The following ABCA3 variants were observed in gnomAD, a reference collection of about 807,000 sequenced individuals.
ABCA3 encodes the protein ATP binding cassette subfamily A member 3.
ABCA3 carries 88 observed loss-of-function variants against 172.8 expected under a neutral mutation model. The ratio of observed to expected loss-of-function variants is 0.51; its 90% CI spans 0.43 to 0.61. The LOEUF (loss-of-function observed/expected upper bound fraction) is 0.61, where lower values mean the gene tolerates loss of function less well. Among genes scored for constraint, ABCA3 ranks in the 20% least tolerant of loss-of-function variants. ABCA3 has a pLI of 0.00. For synonymous variants in ABCA3, 1,066 were observed against 983.8 expected (o/e 1.08, Z -1.56); for missense variants, 2,164 against 2,301.0 (o/e 0.94, Z 1.22).
At chr16:2,323,432 G>T in intron 7 of ABCA3, 91 bp downstream of exon 7, 4 of 1,534,968 alleles carry the variant, frequency 2.6e-6, no homozygotes, top group Non-Finnish European at 2.7e-6. Context: ...ATTTCTTCAA[G>T]AAATACTTTT....
At chr16:2,331,711 T>C (rs1567356912) in intron 1 of ABCA3, among the ~76,000 whole-genome samples, 1 of 152,256 alleles carries the variant, frequency 6.6e-6, no homozygotes, top group Non-Finnish European at 1.5e-5. Context: ...CTTCTGCACT[T>C]GACGCCGAGG....
At position 2,283,500 on chromosome 16, in the gene ABCA3, G is replaced by C; in HGVS notation, c.3863-142C>G. 2 of 927,084 alleles carry C rather than the reference G, an allele frequency of 2.2e-6. No homozygotes were observed. The highest frequency in any genetic ancestry group is 3.2e-6 in the Non-Finnish European group (2 of 626,076). 57.4% of individuals were successfully genotyped at this position (927,084 alleles called of 1,614,324 possible). On this transcript the variant is annotated intron_variant, in intron 25 of 32. Coordinates refer to ENST00000301732, the MANE Select transcript of ABCA3 (RefSeq NM_001089.3). This position sits in a 1 kb window ranked among gnomAD's most constrained non-coding sequence, Gnocchi z 5.4. ...CCATGGGGAGATGTGAAGGCCAGTA[G>C]GTCACAGCTGCCTCTCGAGGCACCA...
chr16:2,318,641 C>G (rs1467570316), intron 8 of ABCA3, among the ~76,000 whole-genome samples: 1 of 151,876 alleles, frequency 6.6e-6, no homozygotes, highest in South Asian at 2.1e-4. Context: ...GCCTCCCAAG[C>G]AGCTGGGATT....
chr16:2,296,916 G>C (rs2093680695), intron 17 of ABCA3, among the ~76,000 whole-genome samples: 1 of 152,196 alleles, frequency 6.6e-6, no homozygotes, highest in Non-Finnish European at 1.5e-5. Context: ...AGGTGACCTT[G>C]AAAGGGAAGC....
intron 7 of ABCA3, among the ~76,000 whole-genome samples, chr16:2,321,025 G>C (rs542765867): frequency 7.7e-6 from 1 of 129,822 alleles, no homozygotes; most frequent in African/African-American, 2.9e-5. Context: ...AGGTCTTTTC[G>C]TGTCTGGCAA....
chr16:2,308,246 C>T (rs892212688), intron 11 of ABCA3, among the ~76,000 whole-genome samples: 2 of 152,202 alleles, frequency 1.3e-5, no homozygotes, highest in African/African-American at 4.8e-5. Flanking sequence ...CCTGCTGTGC[C>T]GTGGAGCTGG....
chr16:2,280,861 C>G (rs989603245), intron 28 of ABCA3, among the ~76,000 whole-genome samples, 166 bp downstream of exon 28: 1 of 152,218 alleles, frequency 6.6e-6, no homozygotes, highest in African/African-American at 2.4e-5. Flanking sequence ...CGAAGCTTAG[C>G]TTTAGCTCAT....
In ABCA3 at chr16:2,332,622, C is replaced by T. The variant is rs535306012; in HGVS notation, c.-538-2768G>A. 2.1e-4 allele frequency: 325 copies of T among 1,582,944 alleles called. 1 individual carries two copies. The South Asian group carries it at 2.4e-3, about 12-fold the overall frequency. ...CCAGCAGCTTGTACTGTAGCGTGGG[C>T]GGCTCAATCTTCTCCAGGGGCCGCC... On this transcript the variant is annotated intron_variant, in intron 1 of 32. Coordinates refer to ENST00000301732, the MANE Select transcript of ABCA3 (RefSeq NM_001089.3).
At position 2,319,802 on chromosome 16, in the gene ABCA3, C is replaced by T. The variant is rs2093722906; in HGVS notation, c.652G>A (p.Val218Met). ...TGGTACTCCATGATGGCCCGGTCCA[C>T]AGCATGCTGCACGGCCAGGAAGCCT... ...REGFLAVQHA[V>M]DRAIMEYHAD... The change falls in exon 8 of 33, where the codon GTG becomes ATG. Residue 218 changes from valine (V) to methionine (M), a missense_variant. By Grantham distance (21) the Val-to-Met change is conservative (BLOSUM62 1). Coordinates refer to ENST00000301732, the MANE Select transcript of ABCA3 (RefSeq NM_001089.3). 1 of 1,613,910 alleles carries T rather than the reference C, an allele frequency of 6.2e-7. No individual in the cohort carries two copies. Among genetic ancestry groups the T allele is most frequent in the Non-Finnish European group, 8.5e-7 (1 of 1,180,034 alleles).
intron 10 of ABCA3, among the ~76,000 whole-genome samples, chr16:2,315,203 TACACACACAC>T (rs377647001): frequency 8.5e-4 from 118 of 138,498 alleles, no homozygotes; most frequent in African/African-American, 2.6e-3. Context: ...GTATGTATTT[TACACACACAC>T]ACACACACAC....
Position 2,319,652 on chromosome 16 carries a change from G to A in ABCA3, c.802C>T (p.Leu268=). Residue 268 remains leucine, a synonymous_variant, in exon 8 of 33, where the codon CTG becomes TTG. Coordinates refer to ENST00000301732, the MANE Select transcript of ABCA3 (RefSeq NM_001089.3). ...AIQYQLPLLL[L]LSFTYTALTI... ...AGCGCGGTGTAGGTGAAGCTGAGCA[G>A]CAGCAGCAGGGGCAGCTGGTACTGG... The A allele has an allele frequency of 6.2e-7, 1 of 1,613,854 alleles. No individual in the cohort carries two copies. The highest frequency in any genetic ancestry group is 1.1e-5 in the South Asian group (1 of 91,082).
At chr16:2,289,383 G>A (rs1288539419) in intron 20 of ABCA3, 51 bp downstream of exon 20, 1 of 1,540,470 alleles carries the variant, frequency 6.5e-7, no homozygotes, top group Non-Finnish European at 8.7e-7. Flanking sequence ...TGAGGCGTTT[G>A]GGGGCTGCTC....
rs768354243 is a variant in ABCA3 at position 2,278,084 on chromosome 16, G to A, written c.4719-15C>T. ...ACTCCTCCATGCTGTGGAGAGGGCGGGACCTCAGATAGGGCTTGGGGTGCC... is the reference window on the plus strand; with the variant it reads ...ACTCCTCCATGCTGTGGAGAGGGCGAGACCTCAGATAGGGCTTGGGGTGCC... On this transcript the variant is annotated splice_polypyrimidine_tract_variant and intron_variant, in intron 30 of 32. Transcript: ENST00000301732. The surrounding 1 kb of genome is among the most constrained non-coding windows in gnomAD (Gnocchi z 4.4). 1.9e-6 allele frequency: 3 copies of A among 1,613,288 alleles called. No homozygotes were observed. The highest frequency in any genetic ancestry group is 2.5e-6 in the Non-Finnish European group (3 of 1,179,998).
In ABCA3 at chr16:2,300,018, T is replaced by C. The variant is rs1426502938; in HGVS notation, c.1598A>G (p.Lys533Arg). Residue 533 changes from lysine (K) to arginine (R), a missense_variant, in exon 13 of 33, where the codon AAG becomes AGG. By Grantham distance (26) the Lys-to-Arg change is conservative (BLOSUM62 2). Transcript: ENST00000301732. ...PEDLVAGIKI[K>R]HLSKVFRVGN... Reference sequence around the variant, plus strand: ...AGGAGGCGGCACCTTGGACAGGTGCTTGATCTTGATCCCCGCCACCAGGTC... The same window carrying C: ...AGGAGGCGGCACCTTGGACAGGTGCCTGATCTTGATCCCCGCCACCAGGTC... 5 of 1,613,256 alleles carry C rather than the reference T, an allele frequency of 3.1e-6. No homozygotes were observed. The highest frequency in any genetic ancestry group is 4.2e-6 in the Non-Finnish European group (5 of 1,179,954).
In ABCA3 at chr16:2,286,885, G is replaced by A. The variant is rs772505031; in HGVS notation, c.3087C>T (p.Phe1029=). The change falls in exon 22 of 33, where the codon TTC becomes TTT. Residue 1029 remains phenylalanine, a synonymous_variant. Transcript: ENST00000301732. This position sits in a 1 kb window ranked among gnomAD's most constrained non-coding sequence, Gnocchi z 5.2. Reference sequence around the variant, plus strand: ...CGACCGTGCGCTCTCCCACATCTCTGAAGGACGCTGCCACAAGGCACCGCT... The same window carrying A: ...CGACCGTGCGCTCTCCCACATCTCTAAAGGACGCTGCCACAAGGCACCGCT... ...FNERCLVAAS[F]RDVGERTVVN... is the part of the protein sequence containing the mutation. 1.2e-6 allele frequency: 2 copies of A among 1,614,086 alleles called. No individual in the cohort carries two copies. The highest frequency in any genetic ancestry group is 2.2e-5 in the East Asian group (1 of 44,878).
At chr16:2,318,491 ATTTCTTTTTC>A (rs1280123537) in intron 8 of ABCA3, among the ~76,000 whole-genome samples, 1 of 150,652 alleles carries the variant, frequency 6.6e-6, no homozygotes, top group African/African-American at 2.4e-5. Context: ...TCAGCTCCTC[ATTTCTTTTTC>A]TTTCTTTTTC....
chr16:2,300,828 G>A (rs2093687716), intron 12 of ABCA3, among the ~76,000 whole-genome samples: 1 of 152,214 alleles, frequency 6.6e-6, no homozygotes, highest in South Asian at 2.1e-4. Context: ...TCGTTTACCC[G>A]CAGCTCCACG....
In ABCA3 at chr16:2,285,642, G is replaced by T; in HGVS notation, c.3283C>A (p.Arg1095=). ...QAAKDQFNEG[R]KGFDIALNLL... is the part of the protein sequence containing the mutation. ...TTGAGGGCAATGTCGAATCCCTTCC[G>T]GCCCCTGCGGGGGACAGAGAAGGTC... is the stretch of plus-strand genomic sequence containing the variant. Residue 1095 remains arginine, a synonymous_variant, in exon 23 of 33, where the codon CGG becomes AGG. Transcript: ENST00000301732. The surrounding 1 kb of genome is among the most constrained non-coding windows in gnomAD (Gnocchi z 4.7). 1 of 1,551,970 alleles carries T rather than the reference G, an allele frequency of 6.4e-7. No individual in the cohort carries two copies.
rs368865276 is a variant in ABCA3, at chr16:2,300,119, C to T, written c.1497G>A (p.Ala499=). 2.2e-5 allele frequency: 36 copies of T among 1,613,430 alleles called. No homozygotes were observed. The highest frequency in any genetic ancestry group is 1.1e-4 in the East Asian group (5 of 44,880). ...MPSYWCGKPR[A]VAGKEEEDSD... is the part of the protein sequence containing the mutation. The stretch of plus-strand genomic sequence containing the variant: ...TGTCTTCTTCCTCCTTCCCTGCAAC[C>T]GCCCTTGGCTTCCCACACCAATAGG... Residue 499 remains alanine (A), a synonymous_variant, in exon 13 of 33, where the codon GCG becomes GCA. Transcript: ENST00000301732.
Sources: allele counts gnomAD v4.1 joint callset (sites outside exome capture counted in the v4.1 genomes callset), GRCh38; gene constraint gnomAD v4.1.1; non-coding constraint Gnocchi (gnomAD v3.1); transcripts MANE v1.5; gene names NCBI Gene and HGNC (gene_info 2026-07-23, HGNC 2026-07-21).